OTUD7A: variants seen among roughly 807,000 people sequenced by gnomAD.
OTUD7A encodes the protein OTU domain-containing protein 7A.
Under a neutral mutation model 65.7 loss-of-function variants are expected in OTUD7A, and 12 were observed. The observed-to-expected ratio is 0.18, with a 90% CI of 0.12 to 0.30. The LOEUF is 0.30. Ranked by LOEUF, OTUD7A falls within the 10% of genes least tolerant of loss-of-function variation. The pLI, the probability that OTUD7A is intolerant of heterozygous loss-of-function variation, is 1.00. For synonymous variants in OTUD7A, 641 were observed against 586.3 expected (o/e 1.09, Z -1.35); for missense variants, 1,148 against 1,304.8 (o/e 0.88, Z 1.85).
intron 1 of OTUD7A, among the ~76,000 whole-genome samples, chr15:31,794,157 T>C (rs1287672349): frequency 6.6e-6 from 1 of 152,230 alleles, no homozygotes; most frequent in African/African-American, 2.4e-5. Context: ...TTTTCCCTAA[T>C]AGAAGCTTAC....
At chr15:31,643,047 A>C (rs1465370054) in intron 3 of OTUD7A, among the ~76,000 whole-genome samples, 1 of 152,042 alleles carries the variant, frequency 6.6e-6, no homozygotes, top group Non-Finnish European at 1.5e-5. Context: ...TGTTTCCTTG[A>C]ATCATTTTTT....
chr15:31,636,108 C>T (rs1454422663), intron 3 of OTUD7A, among the ~76,000 whole-genome samples: 1 of 152,168 alleles, frequency 6.6e-6, no homozygotes, highest in East Asian at 1.9e-4. Context: ...TACAGACACA[C>T]CTCATTTTAC....
At chr15:31,665,371 T>C (rs1197514709) in intron 1 of OTUD7A, among the ~76,000 whole-genome samples, 2 of 152,234 alleles carry the variant, frequency 1.3e-5, no homozygotes. Context: ...TAGAGGTCTT[T>C]CATCTCCTTG....
intron 10 of OTUD7A, among the ~76,000 whole-genome samples, chr15:31,500,018 G>T (rs949863294): frequency 6.6e-6 from 1 of 152,226 alleles, no homozygotes; most frequent in Non-Finnish European, 1.5e-5. Flanking sequence ...TGCCTTTTGC[G>T]AGGAGGGGGT....
At chr15:31,572,884 C>T (rs554075201) in intron 3 of OTUD7A, among the ~76,000 whole-genome samples, 21 of 151,280 alleles carry the variant, frequency 1.4e-4, no homozygotes, top group African/African-American at 5.1e-4. Flanking sequence ...TGTTAGATAC[C>T]GAGTATAGGT....
chr15:31,590,462 T>C (rs190689966), intron 3 of OTUD7A, among the ~76,000 whole-genome samples: 385 of 151,356 alleles, frequency 2.5e-3, no homozygotes, highest in Non-Finnish European at 4.7e-3. Flanking sequence ...TATACACATA[T>C]ACAATAATAA....
rs376766375 is a variant in OTUD7A at position 31,810,519 on chromosome 15, C to T, written c.-100+59988G>A. The stretch of plus-strand genomic sequence containing the variant: ...GCGTAGAAAAGAGGCCATGTGTGGG[C>T]ACAACAAGAAGGCGGCTGTCTGCAA... On this transcript the variant is annotated intron_variant, in intron 1 of 12. Transcript: ENST00000307050. Among the ~76,000 whole-genome samples, 45 of 152,220 alleles carry T rather than the reference C, an allele frequency of 3.0e-4. 2 individuals are homozygous for T. In the South Asian group the frequency reaches 9.1e-3, roughly 31 times the overall value.
chr15:31,728,792 T>C (rs75065914), intron 1 of OTUD7A, among the ~76,000 whole-genome samples: 1 of 152,240 alleles, frequency 6.6e-6, no homozygotes, highest in African/African-American at 2.4e-5. Flanking sequence ...ACTATGTGCA[T>C]GTGTGTGTTA....
intron 1 of OTUD7A, among the ~76,000 whole-genome samples, chr15:31,723,036 C>G (rs1209531709): frequency 6.6e-6 from 1 of 152,158 alleles, no homozygotes; most frequent in Non-Finnish European, 1.5e-5. Context: ...TTCCTACTAG[C>G]TAGGACAGTG....
At chr15:31,488,375 A>T (rs77919941) in intron 10 of OTUD7A, among the ~76,000 whole-genome samples, 1 of 152,094 alleles carries the variant, frequency 6.6e-6, no homozygotes, top group South Asian at 2.1e-4. Context: ...GGGGGTATCT[A>T]CAGGTTTGGG....
At chr15:31,730,003 C>T (rs1370158872) in intron 1 of OTUD7A, among the ~76,000 whole-genome samples, 3 of 152,158 alleles carry the variant, frequency 2.0e-5, no homozygotes, top group Non-Finnish European at 4.4e-5. Context: ...TATTGAAACC[C>T]TAGCCCCCCA....
chr15:31,826,242 C>A (rs564639586), intron 1 of OTUD7A, among the ~76,000 whole-genome samples: 7 of 152,378 alleles, frequency 4.6e-5, no homozygotes, highest in African/African-American at 1.7e-4. Flanking sequence ...TCTGTCTGGG[C>A]ATCCAGGCAT....
At chr15:31,606,338 G>A (rs1319108850) in intron 3 of OTUD7A, among the ~76,000 whole-genome samples, 3 of 152,194 alleles carry the variant, frequency 2.0e-5, no homozygotes, top group Non-Finnish European at 2.9e-5. Flanking sequence ...AGAGGCCTCC[G>A]TTATGAACAC....
In OTUD7A at chr15:31,756,544, A is replaced by AG. The variant is rs1187497344; in HGVS notation, c.-99-99468dup. Among the ~76,000 whole-genome samples the AG allele has an allele frequency of 1.2e-4, 18 of 152,094 alleles. No individual in the cohort carries two copies. In the East Asian group the frequency reaches 3.1e-3, roughly 26 times the overall value. ...TCCATCCCCCAAAGCTAACATGGCCAGGGTGACAGAGACAGGGCTGCCCTC... is the reference window on the plus strand; with the variant it reads ...TCCATCCCCCAAAGCTAACATGGCCAGGGGTGACAGAGACAGGGCTGCCCTC... On this transcript the variant is annotated intron_variant, in intron 1 of 12. Coordinates refer to ENST00000307050, the MANE Select transcript of OTUD7A (RefSeq NM_001382637.1).
rs74010666 is a variant in OTUD7A, at chr15:31,494,993, C to T, written c.1171+6697G>A. On this transcript the variant is annotated intron_variant, in intron 10 of 12. Transcript: ENST00000307050. Reference sequence around the variant, plus strand: ...GGGGCCCTCATTTGGGAATCAGGGGCGATGGTGGCTGGTATGCGCTTCCTG... The same window carrying T: ...GGGGCCCTCATTTGGGAATCAGGGGTGATGGTGGCTGGTATGCGCTTCCTG... 7.8e-3 allele frequency among the ~76,000 whole-genome samples: 1,190 copies of T among 152,206 alleles called. 12 individuals carry two copies. Among genetic ancestry groups the T allele is most frequent in the African/African-American group, 0.027 (1,135 of 41,498 alleles).
At chr15:31,834,793 G>A (rs1337051147) in intron 1 of OTUD7A, among the ~76,000 whole-genome samples, 1 of 152,222 alleles carries the variant, frequency 6.6e-6, no homozygotes, top group Non-Finnish European at 1.5e-5. Flanking sequence ...TATCTGCAGT[G>A]TATGAACACT....
intron 1 of OTUD7A, among the ~76,000 whole-genome samples, chr15:31,682,935 G>A (rs34497772): frequency 1.2e-4 from 19 of 152,216 alleles, no homozygotes; most frequent in African/African-American, 3.1e-4. Context: ...GTGACTGTGC[G>A]TGTTAAAAAG....
chr15:31,832,619 C>T (rs932583212), intron 1 of OTUD7A, among the ~76,000 whole-genome samples: 1 of 152,166 alleles, frequency 6.6e-6, no homozygotes, highest in African/African-American at 2.4e-5. Context: ...CCCCCCTCAT[C>T]CCTCGTCGCC....
At chr15:31,799,369 T>C (rs867066462) in intron 1 of OTUD7A, among the ~76,000 whole-genome samples, 6 of 152,318 alleles carry the variant, frequency 3.9e-5, no homozygotes, top group Middle Eastern at 3.4e-3. Context: ...TGGGGCTATG[T>C]TGGGGGCTGA....
Sources: allele counts gnomAD v4.1 joint callset (sites outside exome capture counted in the v4.1 genomes callset), GRCh38; gene constraint gnomAD v4.1.1; transcripts MANE v1.5; gene names NCBI Gene and HGNC (gene_info 2026-07-23, HGNC 2026-07-21).